The following HIPK2 variants were observed in gnomAD, a reference collection of about 807,000 sequenced individuals.
The protein encoded by HIPK2 is homeodomain-interacting protein kinase 2.
A neutral mutation model predicts 113.7 loss-of-function variants in HIPK2; 27 were observed. The observed-to-expected ratio is 0.24, with a 90% CI of 0.17 to 0.33. The LOEUF (loss-of-function observed/expected upper bound fraction) is 0.33. Among genes scored for constraint, HIPK2 ranks in the 10% least tolerant of loss-of-function variants. HIPK2 has a pLI of 1.00. For missense variants in HIPK2, 1,257 were observed against 1,588.0 expected (o/e 0.79, Z 3.54); for synonymous variants, 631 against 642.2 (o/e 0.98, Z 0.26).
intron 1 of HIPK2, among the ~76,000 whole-genome samples, chr7:139,746,237 C>T (rs1796189006): frequency 6.6e-6 from 1 of 152,212 alleles, no homozygotes; most frequent in South Asian, 2.1e-4. Flanking sequence ...CCCACTGTCC[C>T]CCAGCCGGGC....
At chr7:139,607,642 GTATAT>G (rs1799665133) in intron 9 of HIPK2, among the ~76,000 whole-genome samples, 1 of 152,034 alleles carries the variant, frequency 6.6e-6, no homozygotes, top group Non-Finnish European at 1.5e-5. Flanking sequence ...CATAATCACA[GTATAT>G]TATAAGGCTC....
intron 1 of HIPK2, among the ~76,000 whole-genome samples, chr7:139,720,788 G>A (rs1795385357): frequency 1.3e-5 from 2 of 152,140 alleles, no homozygotes; most frequent in African/African-American, 4.8e-5. Context: ...TACCCGGAAG[G>A]GGGCGGTCAG....
Position 139,725,904 on chromosome 7 carries a change from T to C in HIPK2, c.20-8889A>G, listed in dbSNP as rs141321657. Among the ~76,000 whole-genome samples the C allele has an allele frequency of 3.1e-3, 465 of 152,342 alleles. 2 individuals carry two copies. Among genetic ancestry groups the C allele is most frequent in the African/African-American group, 0.011 (441 of 41,582 alleles). ...AAATCCATGCCACCAGCCAAACTTC[T>C]TCATTCTTTAGGTTCTCAGACTACA... On this transcript the variant is annotated intron_variant, in intron 1 of 14. Transcript: ENST00000406875.
intron 6 of HIPK2, among the ~76,000 whole-genome samples, chr7:139,621,248 T>C (rs951143608): frequency 4.6e-5 from 7 of 152,194 alleles, no homozygotes; most frequent in Non-Finnish European, 8.8e-5. Flanking sequence ...CGTCCCTACT[T>C]CACGAGTAAG....
chr7:139,648,489 A>G (rs1407998751), intron 2 of HIPK2, among the ~76,000 whole-genome samples: 1 of 152,132 alleles, frequency 6.6e-6, no homozygotes, highest in Non-Finnish European at 1.5e-5. Context: ...CGGGTTACAC[A>G]GTGGAAAGGC....
chr7:139,764,127 T>C lies in HIPK2; in HGVS notation c.19+13478A>G, dbSNP rs73475917. On this transcript the variant is annotated intron_variant, in intron 1 of 14. Coordinates refer to ENST00000406875, the MANE Select transcript of HIPK2 (RefSeq NM_022740.5). ...GAGTTTGATGTTAATCAAAACTATA[T>C]GCTAAGATATATGTTTAAACAGAAA... 8.7e-3 allele frequency among the ~76,000 whole-genome samples: 1,326 copies of C among 152,360 alleles called. 13 individuals are homozygous for C. Among genetic ancestry groups the C allele is most frequent in the African/African-American group, 0.03 (1,247 of 41,574 alleles).
intron 5 of HIPK2, among the ~76,000 whole-genome samples, chr7:139,627,494 T>C (rs1800474518): frequency 6.6e-6 from 1 of 152,150 alleles, no homozygotes; most frequent in South Asian, 2.1e-4. Flanking sequence ...AGGCAGGATA[T>C]CTGAACACAG....
intron 2 of HIPK2, among the ~76,000 whole-genome samples, chr7:139,675,566 C>T (rs1486368950): frequency 2.0e-5 from 3 of 152,114 alleles, no homozygotes; most frequent in Non-Finnish European, 4.4e-5. Flanking sequence ...ATGGTTCTGA[C>T]CTCAAGAAGC....
chr7:139,668,141 AAAGC>A (rs1237244730), intron 2 of HIPK2, among the ~76,000 whole-genome samples: 2 of 151,636 alleles, frequency 1.3e-5, no homozygotes, highest in Admixed American at 1.3e-4. Flanking sequence ...AAAAAAAAAA[AAAGC>A]AAGCAAGCAA....
At chr7:139,626,578 G>A (rs372132247) in intron 6 of HIPK2, 23 bp downstream of exon 6, 16 of 1,605,220 alleles carry the variant, frequency 1.0e-5, no homozygotes, top group African/African-American at 2.7e-5. Context: ...TCCCTGGTAC[G>A]AAGCATCAGG....
chr7:139,596,645 AG>A (rs1799223178), intron 12 of HIPK2, 71 bp downstream of exon 12: 2 of 1,549,356 alleles, frequency 1.3e-6, no homozygotes, highest in Admixed American at 3.5e-5. Context: ...TGATGATGGA[AG>A]ATGGTCAGAT....
In HIPK2 at chr7:139,572,894, T is replaced by TGCCAA; in HGVS notation, c.*32_*33insTTGGC. The TGCCAA allele has an allele frequency of 2.3e-5, 13 of 554,274 alleles. No homozygotes were observed. Among genetic ancestry groups the TGCCAA allele is most frequent in the Non-Finnish European group, 4.0e-5 (12 of 302,506 alleles). The allele number at this position is 554,274 out of a possible 1,614,324, so 34.3% of individuals were successfully genotyped here. ...CTCCCTCCTCCCTCGGGCCATTCTC[T>TGCCAA]CCCTCCCTCCCTCCCTCCCTCCCCT... is the stretch of plus-strand genomic sequence containing the variant. On this transcript the variant is annotated 3_prime_UTR_variant, in exon 15 of 15. Transcript: ENST00000406875.
At chr7:139,616,197 T>C (rs907982848) in intron 7 of HIPK2, among the ~76,000 whole-genome samples, 5 of 152,202 alleles carry the variant, frequency 3.3e-5, no homozygotes, top group Non-Finnish European at 5.9e-5. Context: ...GCTTCCTTCC[T>C]GATGTCCCTG....
At chr7:139,673,631 C>A (rs1802382759) in intron 2 of HIPK2, among the ~76,000 whole-genome samples, 1 of 152,078 alleles carries the variant, frequency 6.6e-6, no homozygotes, top group Non-Finnish European at 1.5e-5. Flanking sequence ...TGTAAGTTCT[C>A]TAACTGTTTC....
At position 139,716,258 on chromosome 7, in the gene HIPK2, G is replaced by A. The variant is rs561600893; in HGVS notation, c.777C>T (p.Asn259=). Residue 259 remains asparagine, a synonymous_variant, in exon 2 of 15, where the codon AAC becomes AAT. Coordinates refer to ENST00000406875, the MANE Select transcript of HIPK2 (RefSeq NM_022740.5). The surrounding 1 kb of genome is among the most constrained non-coding windows in gnomAD (Gnocchi z 9.3). ...GGAAGCATTCGTAGGCCCGGACGAA[G>A]TTATAGTCATCGGCACTCTCCGTGC... is the stretch of plus-strand genomic sequence containing the variant. The part of the protein sequence containing the change: ...RLSTESADDY[N]FVRAYECFQH... 3.1e-4 allele frequency: 502 copies of A among 1,614,186 alleles called. 6 individuals carry two copies. In the South Asian group the frequency reaches 5.3e-3, roughly 17 times the overall value.
chr7:139,699,906 C>A (rs913916676), intron 2 of HIPK2, among the ~76,000 whole-genome samples: 1 of 152,238 alleles, frequency 6.6e-6, no homozygotes, highest in East Asian at 1.9e-4. Flanking sequence ...TGTGGCTGCA[C>A]ACTATGCCAC....
At chr7:139,589,874 C>T (rs944662562) in intron 12 of HIPK2, among the ~76,000 whole-genome samples, 5 of 152,184 alleles carry the variant, frequency 3.3e-5, no homozygotes, top group East Asian at 1.9e-4. Context: ...CAAATATGTA[C>T]GGCACAGCTT....
At chr7:139,769,391 T>C (rs1796612497) in intron 1 of HIPK2, among the ~76,000 whole-genome samples, 1 of 150,790 alleles carries the variant, frequency 6.6e-6, no homozygotes, top group African/African-American at 2.4e-5. Context: ...CCCAGGCCAG[T>C]AAAAATTACC....
intron 7 of HIPK2, among the ~76,000 whole-genome samples, chr7:139,618,738 G>A (rs1461077229): frequency 1.3e-5 from 2 of 152,150 alleles, no homozygotes; most frequent in African/African-American, 4.8e-5. Context: ...AGCCTGCTGG[G>A]GAGACTCCAC....
Sources: gnomAD v4.1 joint callset for allele counts (sites outside exome capture counted in the v4.1 genomes callset) on GRCh38, gnomAD v4.1.1 for gene constraint, Gnocchi (gnomAD v3.1) non-coding constraint, MANE v1.5 for transcripts, NCBI Gene and HGNC (gene_info 2026-07-23, HGNC 2026-07-21) for gene names.